Variants in SVOPL observed in about 807,000 individuals in gnomAD.
SVOPL encodes the protein putative transporter SVOPL.
Under a neutral mutation model 61.0 loss-of-function variants are expected in SVOPL, and 60 were observed. That is an observed-to-expected ratio of 0.98 (90% CI 0.80 to 1.22). The LOEUF (loss-of-function observed/expected upper bound fraction) is 1.22, where lower values mean the gene tolerates loss of function less well. Ranked by LOEUF, SVOPL falls within the 50% of genes most tolerant of loss-of-function variation. SVOPL has a pLI of 0.00. For synonymous variants in SVOPL, 279 were observed against 250.0 expected, an observed-to-expected ratio of 1.12 and a Z score of -1.09; for missense variants, 662 against 643.9, an observed-to-expected ratio of 1.03 and a Z score of -0.30.
At chr7:138,666,128 A>G (rs1254096476) in intron 4 of SVOPL, among the ~76,000 whole-genome samples, 1 of 152,222 alleles carries the variant, frequency 6.6e-6, no homozygotes, top group Admixed American at 6.5e-5. Flanking sequence ...AAGTATTTCA[A>G]AATAACTTAT....
chr7:138,595,267 T>C (rs1203563480), intron 15 of SVOPL, among the ~76,000 whole-genome samples: 1 of 152,198 alleles, frequency 6.6e-6, no homozygotes, highest in Non-Finnish European at 1.5e-5. Flanking sequence ...AGAAGCTGTA[T>C]TGGTGTCAGT....
chr7:138,650,548 G>T (rs1335798105), intron 7 of SVOPL, among the ~76,000 whole-genome samples: 1 of 150,956 alleles, frequency 6.6e-6, no homozygotes, highest in South Asian at 2.1e-4. Flanking sequence ...GGTGGCTCAT[G>T]CCTGTTATCC....
intron 14 of SVOPL, among the ~76,000 whole-genome samples, chr7:138,616,582 G>A (rs949383292): frequency 2.6e-5 from 4 of 152,118 alleles, no homozygotes; most frequent in East Asian, 1.9e-4. Context: ...GTAATCCACC[G>A]GCCTCAGCCG....
chr7:138,606,247 G>C (rs1016416494), intron 14 of SVOPL, among the ~76,000 whole-genome samples: 3 of 152,072 alleles, frequency 2.0e-5, no homozygotes, highest in Non-Finnish European at 2.9e-5. Flanking sequence ...TGGAGTTCTT[G>C]TCTCACGACC....
intron 8 of SVOPL, among the ~76,000 whole-genome samples, chr7:138,647,517 G>A (rs2117013099): frequency 6.6e-6 from 1 of 151,884 alleles, no homozygotes; most frequent in East Asian, 2.0e-4. Flanking sequence ...AACAGCTAGG[G>A]GTGCCTGGAG....
intron 5 of SVOPL, chr7:138,661,753 A>T: frequency 1.1e-6 from 1 of 880,782 alleles, no homozygotes; most frequent in South Asian, 5.2e-5. Flanking sequence ...TCCTTTAAAA[A>T]ACCCACTTGT....
intron 3 of SVOPL, among the ~76,000 whole-genome samples, chr7:138,674,905 T>C (rs1334118797): frequency 1.3e-5 from 2 of 151,576 alleles, no homozygotes; most frequent in African/African-American, 4.9e-5. Flanking sequence ...TTCACTTCCT[T>C]GAGATGTTCT....
At chr7:138,620,101 C>CT (rs1799485859) in intron 14 of SVOPL, among the ~76,000 whole-genome samples, 1 of 136,146 alleles carries the variant, frequency 7.3e-6, no homozygotes, top group Admixed American at 7.5e-5. Flanking sequence ...TTTTTTTTTT[C>CT]TTTTTTGTTT....
intron 1 of SVOPL, among the ~76,000 whole-genome samples, chr7:138,695,398 G>T (rs139274990): frequency 6.6e-6 from 1 of 152,136 alleles, no homozygotes; most frequent in Non-Finnish European, 1.5e-5. Context: ...TGTAGTCCTC[G>T]CTACCTGGGA....
rs200429545 is a variant in SVOPL, at chr7:138,684,938, T to TC, written c.-34-5860_-34-5859insG. Among the ~76,000 whole-genome samples the TC allele has an allele frequency of 2.3e-3, 347 of 151,282 alleles. 11 individuals carry two copies. The East Asian group carries it at 0.063, about 27-fold the overall frequency. The stretch of plus-strand genomic sequence containing the variant: ...GGGAATTTTTCTTTTTCTTTTCTTT[T>TC]TTTTTTTTTTTGAGACAGAGTTTCA... On this transcript the variant is annotated intron_variant, in intron 1 of 15. Transcript: ENST00000674285.
intron 10 of SVOPL, among the ~76,000 whole-genome samples, chr7:138,629,153 G>GTGTGTGTATA (rs10624737): frequency 0.019 from 2,848 of 147,328 alleles, 105 homozygotes; most frequent in African/African-American, 0.065. Context: ...GTGTGTGTGT[G>GTGTGTGTATA]TATATATGTA....
At chr7:138,660,290 CA>C (rs1801946738) in intron 5 of SVOPL, 4 of 1,103,248 alleles carry the variant, frequency 3.6e-6, no homozygotes, top group Non-Finnish European at 4.4e-6. Flanking sequence ...CCTCCCTACT[CA>C]CAGGGCTGCT....
chr7:138,683,615 C>T (rs541334156), intron 1 of SVOPL, among the ~76,000 whole-genome samples: 252 of 152,160 alleles, frequency 1.7e-3, no homozygotes, highest in African/African-American at 5.7e-3. Context: ...GTGATCCACC[C>T]GCCTTGGCCT....
At chr7:138,656,385 GC>G in intron 7 of SVOPL, 62 bp downstream of exon 7, 8 of 1,501,284 alleles carry the variant, frequency 5.3e-6, no homozygotes, top group Non-Finnish European at 6.5e-6. Context: ...TCCAAGGTAT[GC>G]CTATATGTAC....
chr7:138,599,121 A>C (rs1167620560), intron 14 of SVOPL, among the ~76,000 whole-genome samples: 1 of 144,512 alleles, frequency 6.9e-6, no homozygotes, highest in African/African-American at 2.6e-5. Flanking sequence ...CAACCTGGGC[A>C]ACATAGTGAG....
At chr7:138,662,200 T>C (rs1802031431) in intron 5 of SVOPL, 3 of 985,376 alleles carry the variant, frequency 3.0e-6, no homozygotes, top group Non-Finnish European at 2.4e-6. Flanking sequence ...CTCTGCCTCA[T>C]AGCAGCAGGT....
intron 14 of SVOPL, among the ~76,000 whole-genome samples, chr7:138,600,486 C>T (rs1328053965): frequency 6.6e-6 from 1 of 151,648 alleles, no homozygotes; most frequent in Admixed American, 6.6e-5. Flanking sequence ...CCTGTACTCC[C>T]AGCTACTCAG....
intron 3 of SVOPL, among the ~76,000 whole-genome samples, chr7:138,674,943 A>C (rs899373573): frequency 6.6e-6 from 1 of 152,158 alleles, no homozygotes; most frequent in African/African-American, 2.4e-5. Flanking sequence ...AGTTAATAGT[A>C]AAACTTCACC....
chr7:138,670,590 A>G (rs925713261), intron 4 of SVOPL, among the ~76,000 whole-genome samples: 2 of 152,186 alleles, frequency 1.3e-5, no homozygotes, highest in Non-Finnish European at 2.9e-5. Context: ...AATCAGAAAT[A>G]TCCATTCTCT....
Sources: gnomAD v4.1 joint callset for allele counts (sites outside exome capture counted in the v4.1 genomes callset) on GRCh38, gnomAD v4.1.1 for gene constraint, MANE v1.5 for transcripts, NCBI Gene and HGNC (gene_info 2026-07-23, HGNC 2026-07-21) for gene names.